Variants in ELMOD3 observed in about 807,000 individuals in gnomAD.
ELMOD3 encodes ELMO domain-containing protein 3.
ELMOD3 carries 36 observed loss-of-function variants against 47.4 expected under a neutral mutation model. The observed-to-expected ratio is 0.76, with a 90% CI of 0.58 to 1.00. The LOEUF (loss-of-function observed/expected upper bound fraction) is 1.00. Among genes scored for constraint, ELMOD3 ranks in the 50% least tolerant of loss-of-function variants. ELMOD3 has a pLI of 0.00. For missense variants in ELMOD3, 404 were observed against 463.8 expected, an observed-to-expected ratio of 0.87 and a Z score of 1.18; for synonymous variants, 149 against 183.5, an observed-to-expected ratio of 0.81 and a Z score of 1.52.
chr2:85,390,583 C>T, intron 13 of ELMOD3, 177 bp from the exon 14 acceptor site: 3 of 1,540,426 alleles, frequency 1.9e-6, no homozygotes, highest in East Asian at 2.3e-5. Flanking sequence ...GTCCCTGTGG[C>T]TGTAGCTGGC....
chr2:85,369,954 C>T, intron 8 of ELMOD3, 124 bp downstream of exon 8: 2 of 1,240,402 alleles, frequency 1.6e-6, no homozygotes, highest in Non-Finnish European at 2.2e-6. Flanking sequence ...TGCCCAGGAT[C>T]ATGGGTGGCC....
In ELMOD3 at chr2:85,371,135, A is replaced by G. The variant is rs1363342882; in HGVS notation, c.410A>G (p.His137Arg). 6.2e-7 allele frequency: 1 copy of G among 1,614,214 alleles called. No individual in the cohort carries two copies. ...IRRTGLAALR[H>R]YLFGPPKLHQ... ...AGGACTGGGCTCGCCGCCCTCCGAC[A>G]CTACCTCTTCGGGCCTCCAAAGCTC... is the stretch of plus-strand genomic sequence containing the variant. The change falls in exon 9 of 14, where the codon CAC (histidine) becomes CGC (arginine). Residue 137 changes from histidine to arginine, a missense_variant. Coordinates refer to ENST00000409013, the MANE Select transcript of ELMOD3 (RefSeq NM_001135022.2).
chr2:85,379,691 G>A (rs868721444), intron 11 of ELMOD3, among the ~76,000 whole-genome samples: 4 of 152,124 alleles, frequency 2.6e-5, no homozygotes, highest in African/African-American at 7.2e-5. Context: ...TGGTAGGACC[G>A]ATTTGCTTTA....
At chr2:85,366,124 ATTTT>A (rs566714087) in intron 6 of ELMOD3, among the ~76,000 whole-genome samples, 3 of 135,604 alleles carry the variant, frequency 2.2e-5, no homozygotes, top group South Asian at 4.7e-4. Flanking sequence ...TACCCAGCTA[ATTTT>A]TTTTTTTTTT....
chr2:85,370,116 C>G (rs996023718), intron 8 of ELMOD3, among the ~76,000 whole-genome samples: 1 of 152,094 alleles, frequency 6.6e-6, no homozygotes, highest in Admixed American at 6.6e-5. Context: ...CTAGGTAGAT[C>G]CTTGCAGAGG....
chr2:85,383,170 C>G (rs1685704739), intron 11 of ELMOD3, among the ~76,000 whole-genome samples: 1 of 150,214 alleles, frequency 6.7e-6, no homozygotes, highest in South Asian at 2.1e-4. Context: ...ACTCTGTCAC[C>G]CAGGCTGGAG....
chr2:85,363,643 G>A (rs1684138178), intron 6 of ELMOD3, among the ~76,000 whole-genome samples: 1 of 152,166 alleles, frequency 6.6e-6, no homozygotes, highest in Non-Finnish European at 1.5e-5. Context: ...CCAAGACTGG[G>A]AAGAAAAAGA....
chr2:85,389,806 TGA>T lies in ELMOD3; in HGVS notation c.800_801del (p.Glu267GlyfsTer8). 1 of 1,614,076 alleles carries T rather than the reference TGA, an allele frequency of 6.2e-7. No homozygotes were observed. Among genetic ancestry groups the T allele is most frequent in the Non-Finnish European group, 8.5e-7 (1 of 1,179,956 alleles). On this transcript the variant is annotated frameshift_variant, in exon 12 of 14. Coordinates refer to ENST00000409013, the MANE Select transcript of ELMOD3 (RefSeq NM_001135022.2). LOFTEE classifies it high-confidence loss of function. ...ATCACCCACATTGCCATCCAGGCCT[TGA>T]GAGAGGAGTGTCTCTCCAGGTGAGT...
intron 11 of ELMOD3, 26 bp downstream of exon 11, chr2:85,377,500 G>A (rs1256112449): frequency 5.6e-6 from 9 of 1,597,068 alleles, no homozygotes; most frequent in Non-Finnish European, 7.7e-6. Context: ...GAAGCCAGAG[G>A]AAAGGAAAGG....
chr2:85,390,143 G>A lies in ELMOD3; in HGVS notation c.821G>A (p.Cys274Tyr), dbSNP rs1296441565. 1 of 1,613,826 alleles carries A rather than the reference G, an allele frequency of 6.2e-7. No homozygotes were observed. The highest frequency in any genetic ancestry group is 2.2e-5 in the East Asian group (1 of 44,890). ...ALREECLSRE[C>Y]NRQQKVIPVV... ...ACCTTGCCTTTTTCCTGCAGAGAGT[G>A]TAATCGGCAGCAGAAGGTCATCCCC... Residue 274 changes from cysteine to tyrosine, a missense_variant, in exon 13 of 14, where the codon TGT (cysteine) becomes TAT (tyrosine). Coordinates refer to ENST00000409013, the MANE Select transcript of ELMOD3 (RefSeq NM_001135022.2).
chr2:85,369,774 A>G lies in ELMOD3; in HGVS notation c.304A>G (p.Ile102Val). Residue 102 changes from isoleucine (I) to valine (V), a missense_variant, in exon 8 of 14, where the codon ATC (isoleucine) becomes GTC (valine). Coordinates refer to ENST00000409013, the MANE Select transcript of ELMOD3 (RefSeq NM_001135022.2). The part of the protein sequence containing the change: ...QASSEQPGQL[I>V]SFSEALQHFQ... ...TAGCTCAGAGCAGCCTGGGCAGCTA[A>G]TCTCCTTCAGTGAGGCCCTGCAGCA... 1 of 1,614,106 alleles carries G rather than the reference A, an allele frequency of 6.2e-7. No individual in the cohort carries two copies. Among genetic ancestry groups the G allele is most frequent in the South Asian group, 1.1e-5 (1 of 91,078 alleles).
Position 85,390,761 on chromosome 2 carries a change from G to C in ELMOD3, c.945G>C (p.Glu315Asp). 6.4e-7 allele frequency: 1 copy of C among 1,550,872 alleles called. No individual in the cohort carries two copies. The highest frequency in any genetic ancestry group is 8.7e-7 in the Non-Finnish European group (1 of 1,146,986). Residue 315 changes from glutamate to aspartate, a missense_variant and splice_region_variant, in exon 14 of 14, where the codon GAG (glutamate) becomes GAC (aspartate). Coordinates refer to ENST00000409013, the MANE Select transcript of ELMOD3 (RefSeq NM_001135022.2). The part of the protein sequence containing the change: ...TISDSGFVLK[E>D]LEVLAKKSPR... ...GCTCCCCAATTCTCTCTGTTGCAGA[G>C]TTGGAAGTATTGGCCAAGAAGAGCC...
At position 85,390,886 on chromosome 2, in the gene ELMOD3, C is replaced by T; in HGVS notation, c.1070C>T (p.Pro357Leu). 6.4e-7 allele frequency: 1 copy of T among 1,551,708 alleles called. No homozygotes were observed. The highest frequency in any genetic ancestry group is 1.2e-5 in the South Asian group (1 of 84,062). Reference protein sequence around the residue: ...GAQKCYGPEAPPFKDLTFTGE... With the variant: ...GAQKCYGPEALPFKDLTFTGE... ...CAGAAGTGCTATGGGCCAGAAGCCC[C>T]TCCCTTCAAGGATCTCACCTTCACA... Residue 357 changes from proline to leucine, a missense_variant, in exon 14 of 14, where the codon CCT becomes CTT. By Grantham distance (98) the Pro-to-Leu change is moderately conservative (BLOSUM62 -3). Transcript: ENST00000409013.
At chr2:85,386,543 C>A (rs1573152398) in intron 11 of ELMOD3, among the ~76,000 whole-genome samples, 1 of 152,070 alleles carries the variant, frequency 6.6e-6, no homozygotes, top group Non-Finnish European at 1.5e-5. Flanking sequence ...CACCAGTACA[C>A]CTAGCTAATT....
Position 85,375,228 on chromosome 2 carries a change from C to T in ELMOD3, c.608-2116C>T, listed in dbSNP as rs76488771. Reference sequence around the variant, plus strand: ...GTTTGTGTCTTTTGCCACATTTGGTCAATTTTCAGCTGTGATTCCTTTGAA... The same window carrying T: ...GTTTGTGTCTTTTGCCACATTTGGTTAATTTTCAGCTGTGATTCCTTTGAA... On this transcript the variant is annotated intron_variant, in intron 10 of 13. Transcript: ENST00000409013. 7.4e-3 allele frequency among the ~76,000 whole-genome samples: 1,124 copies of T among 152,318 alleles called. 17 individuals are homozygous for T. The highest frequency in any genetic ancestry group is 0.062 in the East Asian group (319 of 5,186).
At chr2:85,374,827 G>A (rs1336299541) in intron 10 of ELMOD3, among the ~76,000 whole-genome samples, 1 of 151,908 alleles carries the variant, frequency 6.6e-6, no homozygotes, top group East Asian at 1.9e-4. Context: ...AAAGATCTTT[G>A]CTGGCCGGGC....
chr2:85,355,984 A>T (rs570004390), intron 3 of ELMOD3: 1 of 152,362 alleles, frequency 6.6e-6, no homozygotes, highest in South Asian at 2.1e-4. Flanking sequence ...CCTCATAGAG[A>T]GGCTACCCTC....
At position 85,391,544 on chromosome 2, in the gene ELMOD3, T is replaced by A. The variant is rs922810214; in HGVS notation, c.*582T>A. The A allele has an allele frequency of 2.0e-5, 3 of 153,756 alleles. No homozygotes were observed. The highest frequency in any genetic ancestry group is 4.3e-5 in the Non-Finnish European group (3 of 69,006). 9.5% of individuals were successfully genotyped at this position (153,756 alleles called of 1,614,324 possible). A position where few individuals can be genotyped will look rare whatever the true frequency, so the allele number is the denominator to read the frequency against. On this transcript the variant is annotated 3_prime_UTR_variant, in exon 14 of 14. Coordinates refer to ENST00000409013, the MANE Select transcript of ELMOD3 (RefSeq NM_001135022.2). ...TTTCTGGCCATTCACTTACCCACTC[T>A]CTTCTCCCCCTGACCCCCGCTCCAT...
Position 85,390,216 on chromosome 2 carries a change from C to T in ELMOD3, c.894C>T (p.Val298=). The T allele has an allele frequency of 6.2e-7, 1 of 1,614,196 alleles. No homozygotes were observed. ...YAATFLHLAH[V]WRTQRKTISD... Reference sequence around the variant, plus strand: ...CCACATTCCTCCACCTCGCACATGTCTGGAGGACACAGCGGAAGACCATCT... The same window carrying T: ...CCACATTCCTCCACCTCGCACATGTTTGGAGGACACAGCGGAAGACCATCT... The change falls in exon 13 of 14, where the codon GTC becomes GTT. Residue 298 remains valine (V), a synonymous_variant. Coordinates refer to ENST00000409013, the MANE Select transcript of ELMOD3 (RefSeq NM_001135022.2).
Sources: allele counts gnomAD v4.1 joint callset (sites outside exome capture counted in the v4.1 genomes callset), GRCh38; gene constraint gnomAD v4.1.1; transcripts MANE v1.5; gene names NCBI Gene and HGNC (gene_info 2026-07-23, HGNC 2026-07-21).